The following L2HGDH variants were observed in gnomAD, a reference collection of about 807,000 sequenced individuals.
L2HGDH encodes L-2-hydroxyglutarate dehydrogenase, mitochondrial.
A neutral mutation model predicts 51.5 loss-of-function variants in L2HGDH; 34 were observed. The ratio of observed to expected loss-of-function variants is 0.66; its 90% CI spans 0.50 to 0.88. The LOEUF is 0.88. Ranked by LOEUF, L2HGDH falls within the 40% of genes least tolerant of loss-of-function variation. The pLI is 0.00. For missense variants in L2HGDH, 558 were observed against 571.9 expected, an observed-to-expected ratio of 0.98 and a Z score of 0.25; for synonymous variants, 198 against 197.9, an observed-to-expected ratio of 1.00 and a Z score of -0.01.
intron 6 of L2HGDH, among the ~76,000 whole-genome samples, chr14:50,278,190 C>A (rs926880722): frequency 6.6e-6 from 1 of 152,154 alleles, no homozygotes; most frequent in Non-Finnish European, 1.5e-5. Flanking sequence ...CCTGCATACT[C>A]CCTCTTCCGA....
chr14:50,289,378 T>A (rs898122821), intron 4 of L2HGDH, among the ~76,000 whole-genome samples: 2 of 152,110 alleles, frequency 1.3e-5, no homozygotes, highest in East Asian at 3.8e-4. Context: ...TAACTAAATA[T>A]TCTTAATTAT....
rs1289484727 is a variant in L2HGDH at position 50,245,601 on chromosome 14, ATT to A, written c.*1455_*1456del. 2 of 971,002 alleles carry A rather than the reference ATT, an allele frequency of 2.1e-6. No homozygotes were observed. Among genetic ancestry groups the A allele is most frequent in the Non-Finnish European group, 2.4e-6 (2 of 816,916 alleles). 60.1% of individuals were successfully genotyped at this position (971,002 alleles called of 1,614,324 possible). A position where few individuals can be genotyped will look rare whatever the true frequency, so the allele number is the denominator to read the frequency against. The stretch of plus-strand genomic sequence containing the variant: ...GAATTTTTAATTTCCAAATACAAAT[ATT>A]GTTGCTCTAAATAATGTGAGTTTTG... On this transcript the variant is annotated 3_prime_UTR_variant, in exon 10 of 10. Coordinates refer to ENST00000267436, the MANE Select transcript of L2HGDH (RefSeq NM_024884.3).
chr14:50,269,118 C>A, intron 7 of L2HGDH, 45 bp downstream of exon 7: 8 of 1,491,172 alleles, frequency 5.4e-6, no homozygotes, highest in South Asian at 1.1e-5. Context: ...TTTATGACCA[C>A]CACCTGCTTG....
chr14:50,246,996 C>T lies in L2HGDH; in HGVS notation c.*62G>A. On this transcript the variant is annotated 3_prime_UTR_variant, in exon 10 of 10. Transcript: ENST00000267436. Reference sequence around the variant, plus strand: ...AAACCATTTTTTAAATTAAAGAATGCAATTAGTACATTCTTGTTGCTGACA... The same window carrying T: ...AAACCATTTTTTAAATTAAAGAATGTAATTAGTACATTCTTGTTGCTGACA... The T allele has an allele frequency of 6.4e-7, 1 of 1,554,608 alleles. No individual in the cohort carries two copies. The highest frequency in any genetic ancestry group is 1.2e-5 in the South Asian group (1 of 85,168).
At position 50,245,974 on chromosome 14, in the gene L2HGDH, T is replaced by C. The variant is rs1023567555; in HGVS notation, c.*1084A>G. 2.2e-5 allele frequency: 5 copies of C among 222,570 alleles called. No homozygotes were observed. The highest frequency in any genetic ancestry group is 1.2e-4 in the African/African-American group (5 of 42,612). The allele number at this position is 222,570 out of a possible 1,614,324, so 13.8% of individuals were successfully genotyped here. A position where few individuals can be genotyped will look rare whatever the true frequency, so the allele number is the denominator to read the frequency against. On this transcript the variant is annotated 3_prime_UTR_variant, in exon 10 of 10. Transcript: ENST00000267436. ...CCGTCTCTACTAAAAATACAAAAAATTAGCCAGGCATGGTGGTGGGCGCCT... is the reference window on the plus strand; with the variant it reads ...CCGTCTCTACTAAAAATACAAAAAACTAGCCAGGCATGGTGGTGGGCGCCT...
chr14:50,273,498 T>C (rs1319222847), intron 6 of L2HGDH, among the ~76,000 whole-genome samples: 2 of 152,156 alleles, frequency 1.3e-5, no homozygotes, highest in African/African-American at 4.8e-5. Flanking sequence ...AGATTTTAGA[T>C]TGAAAACTAA....
intron 1 of L2HGDH, among the ~76,000 whole-genome samples, chr14:50,303,447 T>C (rs1318652670): frequency 7.4e-6 from 1 of 134,722 alleles, no homozygotes; most frequent in Non-Finnish European, 1.6e-5. Flanking sequence ...TGCTGTTTGG[T>C]TTCACATGTA....
intron 9 of L2HGDH, among the ~76,000 whole-genome samples, chr14:50,253,969 A>T (rs1419454945): frequency 6.6e-6 from 1 of 152,134 alleles, no homozygotes; most frequent in African/African-American, 2.4e-5. Context: ...GGATCTAAAA[A>T]TCAAAACAAT....
intron 4 of L2HGDH, among the ~76,000 whole-genome samples, chr14:50,292,381 G>A (rs563822748): frequency 2.0e-5 from 3 of 152,296 alleles, no homozygotes; most frequent in East Asian, 3.9e-4. Context: ...AGAAAAAAAC[G>A]GAAGGCCTTA....
Position 50,291,011 on chromosome 14 carries a change from A to C in L2HGDH, c.540+3104T>G, listed in dbSNP as rs192249105. ...TCAGGAGTTTGAGACCAGCCTGGCC[A>C]ATATGGTGAAACCCTGTTTCTACTA... On this transcript the variant is annotated intron_variant, in intron 4 of 9. Transcript: ENST00000267436. Among the ~76,000 whole-genome samples, 51 of 152,048 alleles carry C rather than the reference A, an allele frequency of 3.4e-4. No individual in the cohort carries two copies. In the East Asian group the frequency reaches 5.6e-3, roughly 17 times the overall value.
intron 3 of L2HGDH, among the ~76,000 whole-genome samples, chr14:50,297,515 C>T (rs556093171): frequency 1.3e-5 from 2 of 152,194 alleles, no homozygotes; most frequent in African/African-American, 4.8e-5. Context: ...AAACAATTCT[C>T]CTCACAAAAG....
chr14:50,293,599 G>A (rs1401899273), intron 4 of L2HGDH, among the ~76,000 whole-genome samples: 2 of 152,230 alleles, frequency 1.3e-5, no homozygotes, highest in Non-Finnish European at 2.9e-5. Flanking sequence ...TTAAGAAAGT[G>A]AAATGCTGCA....
chr14:50,242,520 C>G lies in L2HGDH; in HGVS notation c.*4538G>C. On this transcript the variant is annotated 3_prime_UTR_variant, in exon 10 of 10. Transcript: ENST00000267436. ...AACATCAACAACAACAACAAACCCACAATACTTTCTAGGATTTGAGGCCAG... is the reference window on the plus strand; with the variant it reads ...AACATCAACAACAACAACAAACCCAGAATACTTTCTAGGATTTGAGGCCAG... 1 of 983,350 alleles carries G rather than the reference C, an allele frequency of 1.0e-6. No individual in the cohort carries two copies. Among genetic ancestry groups the G allele is most frequent in the Non-Finnish European group, 1.2e-6 (1 of 828,048 alleles). 60.9% of individuals were successfully genotyped at this position (983,350 alleles called of 1,614,324 possible).
intron 5 of L2HGDH, among the ~76,000 whole-genome samples, chr14:50,279,138 T>C (rs1274677930): frequency 2.0e-5 from 3 of 152,230 alleles, no homozygotes; most frequent in Non-Finnish European, 2.9e-5. Flanking sequence ...GCTACCTACC[T>C]AAAACAACCT....
intron 9 of L2HGDH, 48 bp downstream of exon 9, chr14:50,265,309 GT>G: frequency 6.5e-7 from 1 of 1,539,552 alleles, no homozygotes. Flanking sequence ...CACCTCTCAA[GT>G]TCACATAGGT....
chr14:50,273,069 G>A (rs1372437256), intron 6 of L2HGDH, among the ~76,000 whole-genome samples: 3 of 149,742 alleles, frequency 2.0e-5, no homozygotes, highest in Admixed American at 6.7e-5. Context: ...AGGACTGATG[G>A]CCAAAGATAT....
In L2HGDH at chr14:50,312,083, G is replaced by T; in HGVS notation, c.68C>A (p.Ser23Tyr). ...AGACGCGAACCCGCACGCCCCAGGG[G>T]AGCCACCGGCGAAAAGCCCGCGGGC... ...GRARGLFAGG[S>Y]PGACGFASGR... is the part of the protein sequence containing the mutation. Residue 23 changes from serine (S) to tyrosine (Y), a missense_variant, in exon 1 of 10, where the codon TCC becomes TAC. By Grantham distance (144) the Ser-to-Tyr change is moderately radical. Coordinates refer to ENST00000267436, the MANE Select transcript of L2HGDH (RefSeq NM_024884.3). The T allele has an allele frequency of 6.2e-7, 1 of 1,605,486 alleles. No homozygotes were observed. The highest frequency in any genetic ancestry group is 8.5e-7 in the Non-Finnish European group (1 of 1,177,086).
At chr14:50,272,696 T>C (rs971659263) in intron 6 of L2HGDH, among the ~76,000 whole-genome samples, 1 of 152,144 alleles carries the variant, frequency 6.6e-6, no homozygotes. Flanking sequence ...TGGGTGTATA[T>C]AGCAGCATTC....
intron 4 of L2HGDH, among the ~76,000 whole-genome samples, chr14:50,285,333 T>A (rs939342823): frequency 1.3e-5 from 2 of 152,190 alleles, no homozygotes; most frequent in African/African-American, 4.8e-5. Flanking sequence ...TCCCAAAACA[T>A]CAACAGTCTC....
Sources: gnomAD v4.1 joint callset for allele counts (sites outside exome capture counted in the v4.1 genomes callset) on GRCh38, gnomAD v4.1.1 for gene constraint, MANE v1.5 for transcripts, NCBI Gene and HGNC (gene_info 2026-07-23, HGNC 2026-07-21) for gene names.